MACROD2: variants seen among roughly 807,000 people sequenced by gnomAD.
MACROD2 encodes ADP-ribose glycohydrolase MACROD2.
MACROD2 carries 36 observed loss-of-function variants against 70.4 expected under a neutral mutation model. The ratio of observed to expected loss-of-function variants is 0.51; its 90% CI spans 0.39 to 0.68. The LOEUF (loss-of-function observed/expected upper bound fraction) is 0.68. Ranked by LOEUF, MACROD2 falls within the 30% of genes least tolerant of loss-of-function variation. The pLI, the probability that MACROD2 is intolerant of heterozygous loss-of-function variation, is 0.00. For missense variants in MACROD2, 496 were observed against 538.4 expected (o/e 0.92, Z 0.78); for synonymous variants, 172 against 178.8 (o/e 0.96, Z 0.30).
intron 3 of MACROD2, among the ~76,000 whole-genome samples, chr20:14,447,789 AT>A (rs906625974): frequency 2.9e-4 from 44 of 152,020 alleles, no homozygotes; most frequent in African/African-American, 1.0e-3. Context: ...GTCCAAAGTA[AT>A]TTTGACTCCT....
intron 12 of MACROD2, among the ~76,000 whole-genome samples, chr20:15,963,135 C>T (rs545489008): frequency 2.0e-5 from 3 of 152,264 alleles, no homozygotes; most frequent in African/African-American, 7.2e-5. Flanking sequence ...ATAGTATAAT[C>T]AAATCAGTTA....
intron 5 of MACROD2, among the ~76,000 whole-genome samples, chr20:15,001,463 A>G (rs1343758283): frequency 6.6e-6 from 1 of 152,174 alleles, no homozygotes; most frequent in Non-Finnish European, 1.5e-5. Context: ...TTAGGGTCTA[A>G]TGGTCAAATC....
At chr20:14,401,969 A>G (rs899273810) in intron 3 of MACROD2, among the ~76,000 whole-genome samples, 1 of 152,182 alleles carries the variant, frequency 6.6e-6, no homozygotes, top group Non-Finnish European at 1.5e-5. Flanking sequence ...GCAGCTTGCC[A>G]ACAAACCAGA....
At chr20:14,565,634 AT>A in intron 4 of MACROD2, among the ~76,000 whole-genome samples, 1 of 152,092 alleles carries the variant, frequency 6.6e-6, no homozygotes, top group Non-Finnish European at 1.5e-5. Flanking sequence ...CAACAATAAT[AT>A]TTTTAAACAG....
intron 5 of MACROD2, among the ~76,000 whole-genome samples, chr20:14,717,850 A>C (rs2071414179): frequency 6.6e-6 from 1 of 152,136 alleles, no homozygotes; most frequent in Non-Finnish European, 1.5e-5. Flanking sequence ...TGGACTTAGC[A>C]AAAGCTAGTT....
chr20:15,875,317 T>C (rs1434755239), intron 9 of MACROD2, among the ~76,000 whole-genome samples: 1 of 152,032 alleles, frequency 6.6e-6, no homozygotes, highest in Non-Finnish European at 1.5e-5. Context: ...TTGTACATTT[T>C]CCCCCCAAAT....
intron 6 of MACROD2, among the ~76,000 whole-genome samples, chr20:15,413,513 GATGA>G (rs2046106747): frequency 6.6e-6 from 1 of 152,206 alleles, no homozygotes; most frequent in Non-Finnish European, 1.5e-5. Context: ...AGTAGAGGAG[GATGA>G]AGGAAGGAAG....
rs115308535 is a variant in MACROD2, at chr20:14,233,205, G to A, written c.271+147477G>A. On this transcript the variant is annotated intron_variant, in intron 3 of 17. Transcript: ENST00000684519. Reference sequence around the variant, plus strand: ...TAAGAGATAAAATAATAATGGAAATGTCTGAAATGTAAGAATCACCAAAAC... The same window carrying A: ...TAAGAGATAAAATAATAATGGAAATATCTGAAATGTAAGAATCACCAAAAC... 6.3e-3 allele frequency among the ~76,000 whole-genome samples: 952 copies of A among 152,234 alleles called. 7 individuals carry two copies. Among genetic ancestry groups the A allele is most frequent in the African/African-American group, 0.021 (882 of 41,526 alleles).
chr20:13,995,720 G>A lies in MACROD2; in HGVS notation c.-44G>A. 6.3e-7 allele frequency: 1 copy of A among 1,593,130 alleles called. No homozygotes were observed. Among genetic ancestry groups the A allele is most frequent in the Non-Finnish European group, 8.6e-7 (1 of 1,163,802 alleles). The stretch of plus-strand genomic sequence containing the variant: ...CCACACACACCCTGTTTGCCCGTGA[G>A]CCTGGGGAACTTGCAGCTTAAAGCC... On this transcript the variant is annotated 5_prime_UTR_variant, in exon 1 of 18. Coordinates refer to ENST00000684519, the MANE Select transcript of MACROD2 (RefSeq NM_001351661.2). This position sits in a 1 kb window ranked among gnomAD's most constrained non-coding sequence, Gnocchi z 4.3.
At chr20:16,049,157 G>A (rs1169637614) in intron 17 of MACROD2, among the ~76,000 whole-genome samples, 4 of 151,922 alleles carry the variant, frequency 2.6e-5, no homozygotes, top group African/African-American at 9.7e-5. Context: ...CAGCAGGAGT[G>A]GGGTAGTAGG....
chr20:14,804,848 G>C (rs927902524), intron 5 of MACROD2, among the ~76,000 whole-genome samples: 6 of 151,518 alleles, frequency 4.0e-5, no homozygotes, highest in Non-Finnish European at 8.8e-5. Context: ...GAGATGAAGA[G>C]GTGTCCAGGT....
At chr20:15,395,850 A>G (rs1027390257) in intron 6 of MACROD2, among the ~76,000 whole-genome samples, 5 of 152,118 alleles carry the variant, frequency 3.3e-5, no homozygotes, top group Non-Finnish European at 5.9e-5. Context: ...TTTTCCTGCC[A>G]CTTTCTCAGA....
intron 15 of MACROD2, among the ~76,000 whole-genome samples, chr20:15,992,471 C>G (rs2066571259): frequency 6.6e-6 from 1 of 152,156 alleles, no homozygotes; most frequent in Non-Finnish European, 1.5e-5. Flanking sequence ...GGCTCCCACT[C>G]AGACACCACC....
At chr20:15,703,903 T>A (rs898714368) in intron 8 of MACROD2, among the ~76,000 whole-genome samples, 3 of 152,356 alleles carry the variant, frequency 2.0e-5, no homozygotes, top group East Asian at 3.9e-4. Flanking sequence ...TGTAAATTTT[T>A]AAAATTTACT....
intron 6 of MACROD2, among the ~76,000 whole-genome samples, chr20:15,322,292 T>G (rs1023137911): frequency 3.5e-5 from 5 of 143,830 alleles, no homozygotes; most frequent in Admixed American, 1.4e-4. Context: ...TGATAGGAAT[T>G]ACCTTGAGTA....
rs74787421 is a variant in MACROD2, at chr20:14,355,697, C to T, written c.272-137782C>T. Among the ~76,000 whole-genome samples, 6 of 152,232 alleles carry T rather than the reference C, an allele frequency of 3.9e-5. 1 individual carries two copies. In the East Asian group the frequency reaches 1.2e-3, roughly 29 times the overall value. On this transcript the variant is annotated intron_variant, in intron 3 of 17. Coordinates refer to ENST00000684519, the MANE Select transcript of MACROD2 (RefSeq NM_001351661.2). ...AAATGGAAAAAAGGAAAGAAACTAT[C>T]AAAATGTTTACAGTGGTTATCTCTG...
chr20:15,692,577 C>A (rs1474890921), intron 8 of MACROD2, among the ~76,000 whole-genome samples: 2 of 152,094 alleles, frequency 1.3e-5, no homozygotes, highest in Admixed American at 6.5e-5. Flanking sequence ...CAATGCTTCC[C>A]TTTATCTTCA....
intron 5 of MACROD2, among the ~76,000 whole-genome samples, chr20:15,153,872 T>C (rs2076288572): frequency 6.6e-6 from 1 of 152,168 alleles, no homozygotes; most frequent in Non-Finnish European, 1.5e-5. Flanking sequence ...TGGAGCTGTA[T>C]ACTTAAGTGT....
chr20:14,864,619 G>A (rs1040379320), intron 5 of MACROD2, among the ~76,000 whole-genome samples: 28 of 152,054 alleles, frequency 1.8e-4, no homozygotes, highest in African/African-American at 6.0e-4. Flanking sequence ...GTGTTGAACC[G>A]ACGGACCTTG....
Sources: gnomAD v4.1 joint callset for allele counts (sites outside exome capture counted in the v4.1 genomes callset) on GRCh38, gnomAD v4.1.1 for gene constraint, Gnocchi (gnomAD v3.1) non-coding constraint, MANE v1.5 for transcripts, NCBI Gene and HGNC (gene_info 2026-07-23, HGNC 2026-07-21) for gene names.